EIF2B3: variants seen among roughly 807,000 people sequenced by gnomAD.
EIF2B3 encodes translation initiation factor eIF2B subunit gamma.
A neutral mutation model predicts 54.1 loss-of-function variants in EIF2B3; 20 were observed. The ratio of observed to expected loss-of-function variants is 0.37; its 90% CI spans 0.26 to 0.54. The LOEUF (loss-of-function observed/expected upper bound fraction) is 0.54. EIF2B3 is among the 20% of genes least tolerant of loss of function. The pLI is 0.86. For missense variants in EIF2B3, 448 were observed against 547.8 expected (o/e 0.82, Z 1.82); for synonymous variants, 153 against 188.1 (o/e 0.81, Z 1.52).
intron 4 of EIF2B3, among the ~76,000 whole-genome samples, chr1:44,935,341 A>C (rs1391341075): frequency 6.6e-6 from 1 of 152,250 alleles, no homozygotes; most frequent in African/African-American, 2.4e-5. Flanking sequence ...AATTGAGAAA[A>C]GGAAAGTTTC....
At chr1:44,853,740 T>C (rs1276215273) in intron 11 of EIF2B3, among the ~76,000 whole-genome samples, 3 of 152,000 alleles carry the variant, frequency 2.0e-5, no homozygotes, top group African/African-American at 7.3e-5. Flanking sequence ...CAAGGGAGGA[T>C]GATAAGTTGG....
intron 3 of EIF2B3, among the ~76,000 whole-genome samples, chr1:44,976,504 A>G (rs1333933380): frequency 6.6e-6 from 1 of 152,254 alleles, no homozygotes; most frequent in Admixed American, 6.5e-5. Context: ...TGTTGATGAA[A>G]GTATAAAATG....
At chr1:44,855,412 C>G (rs1177105410) in intron 11 of EIF2B3, among the ~76,000 whole-genome samples, 1 of 152,174 alleles carries the variant, frequency 6.6e-6, no homozygotes, top group African/African-American at 2.4e-5. Flanking sequence ...GGAACCCTAA[C>G]TTTATACCCT....
intron 3 of EIF2B3, among the ~76,000 whole-genome samples, chr1:44,956,826 G>C (rs1001755583): frequency 6.6e-6 from 1 of 152,094 alleles, no homozygotes. Flanking sequence ...ATGGATCAGA[G>C]ACCTAAATGT....
intron 11 of EIF2B3, among the ~76,000 whole-genome samples, chr1:44,856,795 A>C (rs897757669): frequency 1.3e-5 from 2 of 152,056 alleles, no homozygotes; most frequent in Admixed American, 6.6e-5. Flanking sequence ...AAAAGCAATC[A>C]GTCATTTTAA....
chr1:44,927,395 G>C (rs1417582836), intron 4 of EIF2B3, among the ~76,000 whole-genome samples: 1 of 152,036 alleles, frequency 6.6e-6, no homozygotes, highest in Non-Finnish European at 1.5e-5. Context: ...AGAGAGAGCT[G>C]GGGGAGAGAT....
intron 4 of EIF2B3, among the ~76,000 whole-genome samples, chr1:44,927,450 G>A (rs529623830): frequency 6.6e-6 from 1 of 152,126 alleles, no homozygotes; most frequent in Admixed American, 6.5e-5. Context: ...CACAAGAACA[G>A]CACCAAGCCA....
intron 8 of EIF2B3, among the ~76,000 whole-genome samples, chr1:44,879,331 C>G (rs1403838581): frequency 2.0e-5 from 3 of 152,182 alleles, no homozygotes; most frequent in Non-Finnish European, 4.4e-5. Context: ...CAAGAGACTC[C>G]TCATTAATGC....
intron 9 of EIF2B3, among the ~76,000 whole-genome samples, chr1:44,875,396 AGCT>A (rs2148901575): frequency 6.6e-6 from 1 of 152,248 alleles, no homozygotes; most frequent in Non-Finnish European, 1.5e-5. Flanking sequence ...TGAGATTGAG[AGCT>A]CCTGTGTCTG....
chr1:44,896,078 C>T (rs1655960513), intron 6 of EIF2B3, among the ~76,000 whole-genome samples: 4 of 152,164 alleles, frequency 2.6e-5, no homozygotes, highest in Admixed American at 2.6e-4. Context: ...GCAAGGTCTC[C>T]ACATTCCACC....
rs1388579917 is a variant in EIF2B3 at position 44,969,950 on chromosome 1, G to A, written c.294+8365C>T. 3 of 152,264 alleles carry A rather than the reference G, an allele frequency of 2.0e-5. No homozygotes were observed. The South Asian group carries it at 6.2e-4, about 32-fold the overall frequency. 9.4% of individuals were successfully genotyped at this position (152,264 alleles called of 1,614,324 possible). A position where few individuals can be genotyped will look rare whatever the true frequency, so the allele number is the denominator to read the frequency against. ...ATCTAAGAGCATTCATGTTATCAAC[G>A]TCAGTTGTAAGAGTGGAGCTCACTC... On this transcript the variant is annotated intron_variant, in intron 3 of 11. Transcript: ENST00000360403.
At chr1:44,949,614 C>A (rs1294403395) in intron 3 of EIF2B3, among the ~76,000 whole-genome samples, 1 of 152,090 alleles carries the variant, frequency 6.6e-6, no homozygotes, top group East Asian at 1.9e-4. Flanking sequence ...GGACAGGGGC[C>A]ACAGAGACAA....
chr1:44,951,260 G>A (rs1644157427), intron 3 of EIF2B3, among the ~76,000 whole-genome samples: 1 of 152,096 alleles, frequency 6.6e-6, no homozygotes, highest in South Asian at 2.1e-4. Flanking sequence ...AATATGGCCA[G>A]GCATTATAGA....
At chr1:44,870,176 A>AAGAGAGAG (rs57863923) in intron 10 of EIF2B3, among the ~76,000 whole-genome samples, 9 of 146,102 alleles carry the variant, frequency 6.2e-5, no homozygotes, top group South Asian at 2.2e-4. Context: ...CGTCTCAAAA[A>AAGAGAGAG]AGAGAGAGAG....
intron 3 of EIF2B3, among the ~76,000 whole-genome samples, chr1:44,960,023 T>C (rs376001433): frequency 3.9e-4 from 60 of 152,358 alleles, no homozygotes; most frequent in Non-Finnish European, 7.1e-4. Context: ...GGGTGATATG[T>C]GGCTTGTTAT....
At chr1:44,986,469 G>A (rs1179342323) in intron 1 of EIF2B3, 24 bp downstream of exon 1, 1 of 152,614 alleles carries the variant, frequency 6.6e-6, no homozygotes, top group Non-Finnish European at 1.5e-5. Context: ...TCCCTCAGAT[G>A]AGTGGCCCCA....
intron 5 of EIF2B3, among the ~76,000 whole-genome samples, chr1:44,925,487 T>G (rs1643833633): frequency 6.6e-6 from 1 of 152,074 alleles, no homozygotes; most frequent in Non-Finnish European, 1.5e-5. Context: ...GAATCGTGGG[T>G]AGCAAGGCCT....
At chr1:44,949,095 C>G (rs1453706793) in intron 3 of EIF2B3, among the ~76,000 whole-genome samples, 1 of 152,188 alleles carries the variant, frequency 6.6e-6, no homozygotes, top group Admixed American at 6.5e-5. Context: ...TTCTCAAACT[C>G]CTGACCTCAA....
At chr1:44,938,319 A>G (rs1643979791) in intron 4 of EIF2B3, among the ~76,000 whole-genome samples, 1 of 152,156 alleles carries the variant, frequency 6.6e-6, no homozygotes, top group Admixed American at 6.5e-5. Flanking sequence ...ATGTAACAAA[A>G]TATAGGTATT....
Sources: allele counts gnomAD v4.1 joint callset (sites outside exome capture counted in the v4.1 genomes callset), GRCh38; gene constraint gnomAD v4.1.1; transcripts MANE v1.5; gene names NCBI Gene and HGNC (gene_info 2026-07-23, HGNC 2026-07-21).